The following KCMF1 variants were observed in gnomAD, a reference collection of about 807,000 sequenced individuals.
KCMF1 encodes the protein E3 ubiquitin-protein ligase KCMF1.
A neutral mutation model predicts 41.1 loss-of-function variants in KCMF1; 3 were observed. That is an observed-to-expected ratio of 0.07 (90% CI 0.03 to 0.19). The LOEUF is 0.19. KCMF1 is among the 10% of genes least tolerant of loss of function. The probability of loss-of-function intolerance (pLI) is 1.00; values close to 1 mark genes in which losing one functional copy is unlikely to be tolerated. For missense variants in KCMF1, 286 were observed against 488.9 expected (o/e 0.58, Z 3.91); for synonymous variants, 142 against 164.5 (o/e 0.86, Z 1.04).
At chr2:85,025,900 A>C (rs1204583938) in intron 1 of KCMF1, among the ~76,000 whole-genome samples, 1 of 152,160 alleles carries the variant, frequency 6.6e-6, no homozygotes, top group African/African-American at 2.4e-5. Context: ...GCTTCTAATA[A>C]CTTAGCTGTA....
chr2:85,009,653 T>C (rs1487423915), intron 1 of KCMF1, among the ~76,000 whole-genome samples: 1 of 152,222 alleles, frequency 6.6e-6, no homozygotes, highest in Non-Finnish European at 1.5e-5. Context: ...TGTCTCTTTC[T>C]CTCTTCCCCC....
intron 1 of KCMF1, among the ~76,000 whole-genome samples, chr2:85,005,615 C>T (rs1258365980): frequency 6.6e-6 from 1 of 152,044 alleles, no homozygotes; most frequent in Non-Finnish European, 1.5e-5. Flanking sequence ...TTAATTGACA[C>T]GTGATAATTA....
chr2:85,038,602 T>C (rs1248520476), intron 3 of KCMF1, among the ~76,000 whole-genome samples: 1 of 152,220 alleles, frequency 6.6e-6, no homozygotes. Flanking sequence ...ATGTCTTTCT[T>C]CTTCTTCTTC....
rs1240547338 is a variant in KCMF1, at chr2:85,053,594, T to C, written c.*185T>C. 2.9e-6 allele frequency: 2 copies of C among 693,578 alleles called. No individual in the cohort carries two copies. The highest frequency in any genetic ancestry group is 1.8e-5 in the African/African-American group (1 of 55,418). The allele number at this position is 693,578 out of a possible 1,614,324, so 43.0% of individuals were successfully genotyped here. A position where few individuals can be genotyped will look rare whatever the true frequency, so the allele number is the denominator to read the frequency against. ...TTTCCACTTAACTAATTTTTACTTC[T>C]AGCAGGTAAATGTAGGTAGCAGTGC... On this transcript the variant is annotated 3_prime_UTR_variant, in exon 7 of 7. Coordinates refer to ENST00000409785, the MANE Select transcript of KCMF1 (RefSeq NM_020122.5).
At chr2:84,992,331 C>G (rs908117499) in intron 1 of KCMF1, among the ~76,000 whole-genome samples, 1 of 152,112 alleles carries the variant, frequency 6.6e-6, no homozygotes, top group Admixed American at 6.5e-5. Context: ...TCTCGGCTCA[C>G]TGCAACATCT....
intron 1 of KCMF1, among the ~76,000 whole-genome samples, chr2:85,010,351 C>G (rs576859215): frequency 1.1e-4 from 17 of 152,208 alleles, no homozygotes; most frequent in African/African-American, 3.4e-4. Flanking sequence ...CACCTGTAAC[C>G]CTAGCTACTT....
At chr2:84,972,371 G>A (rs1483025709) in intron 1 of KCMF1, 1 of 152,216 alleles carries the variant, frequency 6.6e-6, no homozygotes, top group Non-Finnish European at 1.5e-5. Flanking sequence ...AAATGTTTAG[G>A]GTCGATGTAT....
intron 1 of KCMF1, among the ~76,000 whole-genome samples, chr2:84,980,294 G>A (rs1042479123): frequency 2.6e-5 from 4 of 152,206 alleles, no homozygotes; most frequent in Non-Finnish European, 5.9e-5. Context: ...GGCCAGGTGG[G>A]TGTTGGCAGA....
intron 1 of KCMF1, among the ~76,000 whole-genome samples, chr2:85,025,161 A>T (rs1020584531): frequency 6.6e-6 from 1 of 152,156 alleles, no homozygotes; most frequent in African/African-American, 2.4e-5. Flanking sequence ...TATTAATTGT[A>T]TTGAATCCAC....
intron 2 of KCMF1, among the ~76,000 whole-genome samples, chr2:85,031,926 G>A (rs2104035144): frequency 6.6e-6 from 1 of 152,186 alleles, no homozygotes; most frequent in South Asian, 2.1e-4. Context: ...TTTTTGTAGA[G>A]GTGAAGTCTT....
At chr2:84,975,112 C>G (rs759524256) in intron 1 of KCMF1, among the ~76,000 whole-genome samples, 14 of 152,038 alleles carry the variant, frequency 9.2e-5, no homozygotes, top group African/African-American at 4.8e-5. Flanking sequence ...TATATAAAAG[C>G]TGGTGGTGGA....
rs77993360 is a variant in KCMF1 at position 85,026,845 on chromosome 2, A to T, written c.17-1044A>T. Among the ~76,000 whole-genome samples, 5 of 152,206 alleles carry T rather than the reference A, an allele frequency of 3.3e-5. No individual in the cohort carries two copies. In the East Asian group the frequency reaches 9.6e-4, roughly 29 times the overall value. On this transcript the variant is annotated intron_variant, in intron 1 of 6. Coordinates refer to ENST00000409785, the MANE Select transcript of KCMF1 (RefSeq NM_020122.5). ...GCCCCAATTCTGATATGAACTCATGACTGATTCTGCTGCTCCTGCTAGTTC... is the reference window on the plus strand; with the variant it reads ...GCCCCAATTCTGATATGAACTCATGTCTGATTCTGCTGCTCCTGCTAGTTC...
At chr2:85,012,751 A>G (rs1388015300) in intron 1 of KCMF1, among the ~76,000 whole-genome samples, 1 of 152,194 alleles carries the variant, frequency 6.6e-6, no homozygotes, top group African/African-American at 2.4e-5. Flanking sequence ...CTACTCCTAT[A>G]CAGAGCTTTA....
intron 1 of KCMF1, among the ~76,000 whole-genome samples, chr2:84,979,162 T>G (rs541730916): frequency 1.3e-5 from 2 of 152,314 alleles, no homozygotes; most frequent in South Asian, 2.1e-4. Flanking sequence ...TTTTTGTTTT[T>G]AAACTAGAAG....
At chr2:85,051,701 T>C (rs1272861693) in intron 6 of KCMF1, among the ~76,000 whole-genome samples, 1 of 152,244 alleles carries the variant, frequency 6.6e-6, no homozygotes, top group African/African-American at 2.4e-5. Context: ...CTCTCTTAAC[T>C]TCATATATTC....
intron 3 of KCMF1, among the ~76,000 whole-genome samples, chr2:85,042,272 G>A (rs1038054255): frequency 1.3e-5 from 2 of 152,202 alleles, no homozygotes; most frequent in Admixed American, 6.5e-5. Context: ...TCAAATCAGA[G>A]TTGAACTCTC....
At chr2:84,998,272 T>G (rs1674224970) in intron 1 of KCMF1, among the ~76,000 whole-genome samples, 2 of 151,544 alleles carry the variant, frequency 1.3e-5, no homozygotes, top group Admixed American at 1.3e-4. Flanking sequence ...TTTTTGTATT[T>G]TTAGTAGAAA....
chr2:85,000,415 G>A (rs1364068394), intron 1 of KCMF1, among the ~76,000 whole-genome samples: 9 of 152,132 alleles, frequency 5.9e-5, no homozygotes, highest in South Asian at 2.1e-4. Context: ...AAGCCACTGC[G>A]CCCAGCTATG....
chr2:85,024,595 T>C (rs1380926122), intron 1 of KCMF1, among the ~76,000 whole-genome samples: 4 of 151,986 alleles, frequency 2.6e-5, no homozygotes, highest in Non-Finnish European at 5.9e-5. Context: ...TGTGTGTGTG[T>C]GTGTGTGTGT....
Sources: allele counts gnomAD v4.1 joint callset (sites outside exome capture counted in the v4.1 genomes callset), GRCh38; gene constraint gnomAD v4.1.1; transcripts MANE v1.5; gene names NCBI Gene and HGNC (gene_info 2026-07-23, HGNC 2026-07-21).